Variants in CALN1 observed in about 807,000 individuals in gnomAD.
CALN1 encodes calneuron 1.
Under a neutral mutation model 30.6 loss-of-function variants are expected in CALN1, and 17 were observed. That is an observed-to-expected ratio of 0.56 (90% confidence interval 0.38 to 0.83). CALN1 has a LOEUF of 0.83. Ranked by LOEUF, CALN1 falls within the 40% of genes least tolerant of loss-of-function variation. CALN1 has a pLI of 0.00. For synonymous variants in CALN1, 156 were observed against 131.4 expected (o/e 1.19, Z -1.28); for missense variants, 291 against 354.9 (o/e 0.82, Z 1.45).
intron 3 of CALN1, among the ~76,000 whole-genome samples, chr7:72,201,053 G>A (rs1306976782): frequency 1.3e-5 from 2 of 152,132 alleles, no homozygotes; most frequent in African/African-American, 2.4e-5. Flanking sequence ...ACAGTGGATT[G>A]GATAATGTAG....
At chr7:72,394,470 C>T (rs1271793030) in intron 2 of CALN1, among the ~76,000 whole-genome samples, 2 of 152,092 alleles carry the variant, frequency 1.3e-5, no homozygotes, top group Non-Finnish European at 2.9e-5. Context: ...CAGAGCATGA[C>T]CTGAACAGAC....
intron 2 of CALN1, among the ~76,000 whole-genome samples, chr7:72,291,601 C>T (rs1217689428): frequency 6.6e-6 from 1 of 152,196 alleles, no homozygotes; most frequent in Non-Finnish European, 1.5e-5. Flanking sequence ...TCTTTTGTAG[C>T]CATTGATCTG....
chr7:72,362,919 G>A (rs917159727), intron 2 of CALN1, among the ~76,000 whole-genome samples: 2 of 152,306 alleles, frequency 1.3e-5, no homozygotes, highest in Admixed American at 6.5e-5. Context: ...TCCTGGTTCC[G>A]TGTTTGCCCA....
intron 5 of CALN1, among the ~76,000 whole-genome samples, chr7:71,842,191 A>C (rs758464610): frequency 6.6e-6 from 1 of 152,152 alleles, no homozygotes; most frequent in Non-Finnish European, 1.5e-5. Context: ...AGTCCCGAGT[A>C]AACTCTTTGA....
intron 5 of CALN1, among the ~76,000 whole-genome samples, chr7:71,863,557 C>CAAAAAAAAAAAAAAAAAA (rs71531769): frequency 9.3e-5 from 3 of 32,216 alleles, no homozygotes; most frequent in Admixed American, 6.0e-4. Flanking sequence ...AACTCCATCT[C>CAAAAAAAAAAAAAAAAAA]AAAAAAAAAA....
the CALN1 span, among the ~76,000 whole-genome samples, chr7:72,463,970 AGGAAGGAAG>A: frequency 1.6e-5 from 2 of 124,326 alleles, no homozygotes; most frequent in Admixed American, 1.7e-4. Context: ...GAAGGAAGGA[AGGAAGGAAG>A]GGAAGGAGGG....
chr7:71,985,072 A>G (rs531500216), intron 5 of CALN1, among the ~76,000 whole-genome samples: 1 of 152,166 alleles, frequency 6.6e-6, no homozygotes, highest in Admixed American at 6.5e-5. Flanking sequence ...AGAGTACAAC[A>G]ATGAATCAAA....
At chr7:72,464,915 C>A in the CALN1 span, among the ~76,000 whole-genome samples, 9 of 152,320 alleles carry the variant, frequency 5.9e-5, no homozygotes, top group African/African-American at 1.9e-4. Context: ...AAATCAGAGG[C>A]AGTGCCACCT....
In CALN1 at chr7:72,307,171, A is replaced by G. The variant is rs1454611989; in HGVS notation, c.120-28361T>C. Among the ~76,000 whole-genome samples the G allele has an allele frequency of 2.0e-5, 3 of 152,330 alleles. No homozygotes were observed. The East Asian group carries it at 5.8e-4, about 29-fold the overall frequency. ...GCAGAAGAGGCTTTTAAGAGATTCA[A>G]GCAGAAAGGTACAGGACCTCTGGAG... On this transcript the variant is annotated intron_variant, in intron 2 of 6. Coordinates refer to ENST00000395275, the MANE Select transcript of CALN1 (RefSeq NM_031468.4).
At chr7:71,895,839 T>A (rs1793503548) in intron 5 of CALN1, among the ~76,000 whole-genome samples, 1 of 152,182 alleles carries the variant, frequency 6.6e-6, no homozygotes, top group South Asian at 2.1e-4. Flanking sequence ...ACTATCACTT[T>A]TAATGGCAAA....
chr7:71,971,993 G>GAAAGAA (rs373873170), intron 5 of CALN1, among the ~76,000 whole-genome samples: 6 of 85,628 alleles, frequency 7.0e-5, no homozygotes, highest in African/African-American at 2.4e-4. Flanking sequence ...AAGAAAGAAA[G>GAAAGAA]AGAAAGAAAG....
At chr7:72,060,369 G>A (rs1041503167) in intron 4 of CALN1, among the ~76,000 whole-genome samples, 1 of 152,098 alleles carries the variant, frequency 6.6e-6, no homozygotes, top group African/African-American at 2.4e-5. Flanking sequence ...CATAAGAGTA[G>A]GACAAATAAA....
At chr7:71,799,465 A>T (rs188366915) in intron 6 of CALN1, among the ~76,000 whole-genome samples, 1 of 149,952 alleles carries the variant, frequency 6.7e-6, no homozygotes, top group African/African-American at 2.5e-5. Context: ...TTAGTTAGTT[A>T]GTTAGTTAGT....
chr7:72,313,440 G>C (rs568322676), intron 2 of CALN1, among the ~76,000 whole-genome samples: 10 of 152,266 alleles, frequency 6.6e-5, no homozygotes, highest in Non-Finnish European at 8.8e-5. Flanking sequence ...CACCCAGGCT[G>C]AAGTGGAGTG....
At chr7:72,054,583 A>G (rs1803126926) in intron 4 of CALN1, among the ~76,000 whole-genome samples, 1 of 149,072 alleles carries the variant, frequency 6.7e-6, no homozygotes, top group Non-Finnish European at 1.5e-5. Flanking sequence ...TGCAGCCATG[A>G]AAAAGAATGA....
chr7:72,438,360 C>T (rs1006056143), intron 1 of CALN1, among the ~76,000 whole-genome samples: 3 of 149,974 alleles, frequency 2.0e-5, no homozygotes, highest in Non-Finnish European at 4.4e-5. Flanking sequence ...AGGCTCAAGC[C>T]ATCCTCCCAC....
intron 2 of CALN1, among the ~76,000 whole-genome samples, chr7:72,353,767 T>C (rs906769219): frequency 2.0e-5 from 3 of 152,214 alleles, no homozygotes; most frequent in Non-Finnish European, 2.9e-5. Context: ...AAATTGTTTT[T>C]ATTGAAAAGC....
At chr7:72,336,290 G>A (rs961038526) in intron 2 of CALN1, among the ~76,000 whole-genome samples, 1 of 152,108 alleles carries the variant, frequency 6.6e-6, no homozygotes. Context: ...GTGCGGCTCC[G>A]AGTCCCCTGC....
intron 5 of CALN1, among the ~76,000 whole-genome samples, chr7:71,873,107 G>A (rs1282726134): frequency 2.0e-5 from 3 of 148,408 alleles, no homozygotes; most frequent in African/African-American, 7.6e-5. Context: ...GGATTCAAGC[G>A]ATTCTCCTGC....
Sources: allele counts gnomAD v4.1 joint callset (sites outside exome capture counted in the v4.1 genomes callset), GRCh38; gene constraint gnomAD v4.1.1; transcripts MANE v1.5; gene names NCBI Gene and HGNC (gene_info 2026-07-23, HGNC 2026-07-21).